The following SLC28A3 variants were observed in gnomAD, a reference collection of about 807,000 sequenced individuals.
The protein encoded by SLC28A3 is concentrative Na(+)-nucleoside cotransporter 3.
In SLC28A3, 68 loss-of-function variants were observed where a neutral mutation model predicts 84.2. The ratio of observed to expected loss-of-function variants is 0.81; its 90% CI spans 0.66 to 0.99. The LOEUF is 0.99. SLC28A3 is among the 50% of genes least tolerant of loss of function. The probability of loss-of-function intolerance (pLI) is 0.00; values close to 1 mark genes in which losing one functional copy is unlikely to be tolerated. For missense variants in SLC28A3, 712 were observed against 841.5 expected (o/e 0.85, Z 1.90); for synonymous variants, 267 against 303.6 (o/e 0.88, Z 1.25).
intron 7 of SLC28A3, 44 bp downstream of exon 7, chr9:84,297,862 T>C: frequency 6.6e-7 from 1 of 1,514,192 alleles, no homozygotes; most frequent in South Asian, 1.2e-5. Context: ...CCTCCAATGT[T>C]AAAAGCACCA....
chr9:84,329,852 A>G (rs1826709077), intron 1 of SLC28A3, among the ~76,000 whole-genome samples: 1 of 152,084 alleles, frequency 6.6e-6, no homozygotes, highest in African/African-American at 2.4e-5. Flanking sequence ...TAGGCAACAT[A>G]GCATGGCCCT....
chr9:84,295,760 TCCTACTGTACCCCCTC>T (rs1825391251), intron 8 of SLC28A3, among the ~76,000 whole-genome samples: 1 of 152,126 alleles, frequency 6.6e-6, no homozygotes, highest in East Asian at 1.9e-4. Context: ...CTCAGCCTCA[TCCTACTGTACCCCCTC>T]CCTACTGTTC....
At chr9:84,335,019 G>A (rs558070728) in intron 1 of SLC28A3, among the ~76,000 whole-genome samples, 13 of 151,946 alleles carry the variant, frequency 8.6e-5, no homozygotes, top group East Asian at 1.9e-4. Context: ...CTCCTTAAGC[G>A]CTACTGTTTC....
At chr9:84,365,116 G>A in the SLC28A3 span, among the ~76,000 whole-genome samples, 1 of 152,122 alleles carries the variant, frequency 6.6e-6, no homozygotes, top group South Asian at 2.1e-4. Context: ...CAGAGTGTCT[G>A]TACTAATTTA....
chr9:84,343,512 C>G (rs2118659100), upstream of SLC28A3, among the ~76,000 whole-genome samples: 1 of 150,802 alleles, frequency 6.6e-6, no homozygotes, highest in South Asian at 2.1e-4. Flanking sequence ...AAATCCTGGA[C>G]TCTACCTCAT....
At chr9:84,361,963 G>C in the SLC28A3 span, among the ~76,000 whole-genome samples, 4 of 145,384 alleles carry the variant, frequency 2.8e-5, no homozygotes, top group African/African-American at 1.1e-4. Context: ...AACAGCTAAG[G>C]GAAAGGGTTT....
intron 1 of SLC28A3, among the ~76,000 whole-genome samples, chr9:84,319,897 C>G (rs1249659997): frequency 6.6e-6 from 1 of 152,032 alleles, no homozygotes; most frequent in Admixed American, 6.6e-5. Context: ...ATTACTTAAC[C>G]CCTGACCCCC....
At position 84,302,257 on chromosome 9, in the gene SLC28A3, T is replaced by A. The variant is rs1183786386; in HGVS notation, c.467A>T (p.Asp156Val). 1.9e-6 allele frequency: 3 copies of A among 1,614,050 alleles called. No individual in the cohort carries two copies. Among genetic ancestry groups the A allele is most frequent in the African/African-American group, 2.7e-5 (2 of 74,930 alleles). The change falls in exon 5 of 18, where the codon GAT becomes GTT. Residue 156 changes from aspartate to valine, a missense_variant. Coordinates refer to ENST00000376238, the MANE Select transcript of SLC28A3 (RefSeq NM_001199633.2). ...CCTTCTGCCAGGAGACAGCATCTCA[T>A]CAATTCGATGTTCGTATTTGGCCAT... ...HLMAKYEHRIDEMLSPGRRLL... is the reference protein window; with the variant it reads ...HLMAKYEHRIVEMLSPGRRLL...
At chr9:84,355,878 A>G in the SLC28A3 span, among the ~76,000 whole-genome samples, 2 of 152,210 alleles carry the variant, frequency 1.3e-5, no homozygotes, top group Admixed American at 1.3e-4. Context: ...CAGTGGTACA[A>G]TCATGGCTCA....
chr9:84,354,598 G>A, the SLC28A3 span, among the ~76,000 whole-genome samples: 6 of 152,186 alleles, frequency 3.9e-5, no homozygotes, highest in South Asian at 2.1e-4. Flanking sequence ...CAGTAATCCC[G>A]GCACTTTAGG....
the SLC28A3 span, among the ~76,000 whole-genome samples, chr9:84,365,605 C>G: frequency 0.06 from 9,090 of 152,102 alleles, 507 homozygotes; most frequent in African/African-American, 0.14. Flanking sequence ...TTTTCCCAAA[C>G]TTTTCTTGTA....
intron 5 of SLC28A3, 22 bp downstream of exon 5, chr9:84,302,178 T>C (rs780831652): frequency 1.9e-6 from 3 of 1,609,140 alleles, no homozygotes; most frequent in South Asian, 2.2e-5. Context: ...TTAACTGAAA[T>C]AAGAGAACCA....
intron 1 of SLC28A3, among the ~76,000 whole-genome samples, chr9:84,317,830 G>A (rs756362398): frequency 1.2e-4 from 19 of 152,216 alleles, no homozygotes; most frequent in Non-Finnish European, 1.9e-4. Context: ...TTTGCTTCTC[G>A]CTTGTTCTGG....
chr9:84,356,312 G>A, the SLC28A3 span, among the ~76,000 whole-genome samples: 1 of 152,094 alleles, frequency 6.6e-6, no homozygotes, highest in African/African-American at 2.4e-5. Flanking sequence ...CAAGGCCTGA[G>A]GAGGTCAGTT....
upstream of SLC28A3, among the ~76,000 whole-genome samples, chr9:84,344,206 G>A (rs62566620): frequency 1.2e-5 from 1 of 86,390 alleles, no homozygotes; most frequent in African/African-American, 7.7e-5. Flanking sequence ...TTTTTTTTTG[G>A]TCAGACAGAG....
Position 84,280,794 on chromosome 9 carries a change from C to T in SLC28A3, c.1729+7G>A, listed in dbSNP as rs1824719972. On this transcript the variant is annotated splice_region_variant and intron_variant, in intron 15 of 17. Coordinates refer to ENST00000376238, the MANE Select transcript of SLC28A3 (RefSeq NM_001199633.2). The stretch of plus-strand genomic sequence containing the variant: ...CTGTGTTGTTGAAGAATGTTCTTTT[C>T]ACTTACTGAGTCCGCCGATCACGAT... The T allele has an allele frequency of 3.1e-6, 5 of 1,613,846 alleles. No individual in the cohort carries two copies. Among genetic ancestry groups the T allele is most frequent in the Non-Finnish European group, 4.2e-6 (5 of 1,179,850 alleles).
intron 1 of SLC28A3, among the ~76,000 whole-genome samples, chr9:84,314,066 A>G (rs780625436): frequency 6.6e-5 from 10 of 152,140 alleles, no homozygotes; most frequent in Non-Finnish European, 1.2e-4. Flanking sequence ...CATCACACTG[A>G]TTTTCAACTT....
chr9:84,355,106 A>G, the SLC28A3 span, among the ~76,000 whole-genome samples: 1 of 152,180 alleles, frequency 6.6e-6, no homozygotes, highest in African/African-American at 2.4e-5. Context: ...CTGGTTGGGT[A>G]GCTTATGGGG....
At chr9:84,317,783 A>G (rs1174399439) in intron 1 of SLC28A3, among the ~76,000 whole-genome samples, 2 of 152,168 alleles carry the variant, frequency 1.3e-5, no homozygotes, top group Non-Finnish European at 2.9e-5. Flanking sequence ...ACACATAGTA[A>G]GTGCTCATTG....
Sources: allele counts gnomAD v4.1 joint callset (sites outside exome capture counted in the v4.1 genomes callset), GRCh38; gene constraint gnomAD v4.1.1; transcripts MANE v1.5; gene names NCBI Gene and HGNC (gene_info 2026-07-23, HGNC 2026-07-21).